Variants in CELF4 observed in about 807,000 individuals in gnomAD.
CELF4 encodes CUGBP Elav-like family member 4.
CELF4 carries 18 observed loss-of-function variants against 59.9 expected under a neutral mutation model. The ratio of observed to expected loss-of-function variants is 0.30; its 90% CI spans 0.21 to 0.45. The LOEUF is 0.45. Ranked by LOEUF, CELF4 falls within the 20% of genes least tolerant of loss-of-function variation. The pLI is 1.00. For synonymous variants in CELF4, 261 were observed against 267.1 expected, an observed-to-expected ratio of 0.98 and a Z score of 0.22; for missense variants, 456 against 689.0, an observed-to-expected ratio of 0.66 and a Z score of 3.79.
At chr18:37,485,458 G>C in intron 2 of CELF4, 67 bp downstream of exon 2, 1 of 1,026,386 alleles carries the variant, frequency 9.7e-7, no homozygotes, top group Non-Finnish European at 1.2e-6. Flanking sequence ...CCGCGCCGCC[G>C]CCCGGCCTCC....
intron 2 of CELF4, among the ~76,000 whole-genome samples, chr18:37,409,602 G>T (rs980564438): frequency 6.6e-6 from 1 of 152,162 alleles, no homozygotes; most frequent in Admixed American, 6.5e-5. Context: ...AGCCAAGTGT[G>T]GGGGGCTGCA....
intron 1 of CELF4, among the ~76,000 whole-genome samples, chr18:37,495,049 C>G (rs1240529213): frequency 6.6e-6 from 1 of 152,206 alleles, no homozygotes; most frequent in Non-Finnish European, 1.5e-5. Flanking sequence ...GGGTGGATTT[C>G]AAATGCATTT....
chr18:37,537,334 C>A (rs1243497354), intron 1 of CELF4, among the ~76,000 whole-genome samples: 1 of 152,034 alleles, frequency 6.6e-6, no homozygotes, highest in Non-Finnish European at 1.5e-5. Flanking sequence ...ACTGAAGGGG[C>A]CCTGTGTACA....
chr18:37,543,219 A>G (rs1209252645), intron 1 of CELF4, among the ~76,000 whole-genome samples: 1 of 152,144 alleles, frequency 6.6e-6, no homozygotes. Context: ...GAGGTGACCC[A>G]TTTCATTCCC....
chr18:37,385,751 C>T (rs187540884), intron 2 of CELF4, among the ~76,000 whole-genome samples: 28 of 152,320 alleles, frequency 1.8e-4, no homozygotes, highest in East Asian at 9.7e-4. Flanking sequence ...GTTTCAAGTG[C>T]GAATCCTGTT....
At chr18:37,347,658 G>T (rs527922180) in intron 2 of CELF4, among the ~76,000 whole-genome samples, 1 of 152,160 alleles carries the variant, frequency 6.6e-6, no homozygotes, top group South Asian at 2.1e-4. Flanking sequence ...CATCAAGCCA[G>T]CCCCAAACCT....
At chr18:37,321,925 G>C in intron 2 of CELF4, 44 bp from the exon 3 acceptor site, 9 of 1,532,902 alleles carry the variant, frequency 5.9e-6, no homozygotes, top group Non-Finnish European at 7.2e-6. Context: ...AGGCCTGCGG[G>C]TGAGGGGACA....
rs148299134 is a variant in CELF4, at chr18:37,408,745, G to A, written c.369+76780C>T. 4.6e-5 allele frequency among the ~76,000 whole-genome samples: 7 copies of A among 152,250 alleles called. No individual in the cohort carries two copies. In the East Asian group the frequency reaches 1.2e-3, roughly 25 times the overall value. ...GTCTGGATTCAGGCTGGGGACACCCGGCGCACCCTCCCCCGAACACGGGCT... is the reference window on the plus strand; with the variant it reads ...GTCTGGATTCAGGCTGGGGACACCCAGCGCACCCTCCCCCGAACACGGGCT... On this transcript the variant is annotated intron_variant, in intron 2 of 12. Coordinates refer to ENST00000420428, the MANE Select transcript of CELF4 (RefSeq NM_020180.4).
chr18:37,257,420 C>T (rs1259755102), intron 11 of CELF4, among the ~76,000 whole-genome samples: 1 of 152,194 alleles, frequency 6.6e-6, no homozygotes, highest in Non-Finnish European at 1.5e-5. Flanking sequence ...GCAACCCTGT[C>T]TTTTGCTTCT....
At chr18:37,548,426 G>A (rs535292378) in intron 1 of CELF4, among the ~76,000 whole-genome samples, 52 of 152,170 alleles carry the variant, frequency 3.4e-4, no homozygotes, top group Non-Finnish European at 6.2e-4. Context: ...CATCTCTATC[G>A]AAGCTTTGTC....
chr18:37,274,022 G>A, intron 6 of CELF4: 1 of 1,255,614 alleles, frequency 8.0e-7, no homozygotes, highest in Non-Finnish European at 1.0e-6. Flanking sequence ...ATCTGGCTGA[G>A]AGGAAAAGGC....
At chr18:37,371,241 A>G (rs2098868182) in intron 2 of CELF4, among the ~76,000 whole-genome samples, 1 of 152,212 alleles carries the variant, frequency 6.6e-6, no homozygotes, top group African/African-American at 2.4e-5. Flanking sequence ...GATTCAGTCA[A>G]TCTAACCAAC....
In CELF4 at chr18:37,385,773, A is replaced by G. The variant is rs944128234; in HGVS notation, c.370-63892T>C. Among the ~76,000 whole-genome samples, 5 of 152,306 alleles carry G rather than the reference A, an allele frequency of 3.3e-5. No individual in the cohort carries two copies. The South Asian group carries it at 1.0e-3, about 32-fold the overall frequency. On this transcript the variant is annotated intron_variant, in intron 2 of 12. Coordinates refer to ENST00000420428, the MANE Select transcript of CELF4 (RefSeq NM_020180.4). ...GTGCGAATCCTGTTTTCCCATCTACATGGGAGCTCTCTGCTCCACAGTACC... is the reference window on the plus strand; with the variant it reads ...GTGCGAATCCTGTTTTCCCATCTACGTGGGAGCTCTCTGCTCCACAGTACC...
chr18:37,483,344 GTC>G (rs1440752192), intron 2 of CELF4, among the ~76,000 whole-genome samples: 1 of 152,198 alleles, frequency 6.6e-6, no homozygotes, highest in Non-Finnish European at 1.5e-5. Context: ...CTGCAATCCG[GTC>G]TTTTATTCCT....
chr18:37,357,265 T>C (rs1478767878), intron 2 of CELF4, among the ~76,000 whole-genome samples: 4 of 152,230 alleles, frequency 2.6e-5, no homozygotes, highest in Admixed American at 2.6e-4. Flanking sequence ...ATGGTTTGGC[T>C]GTGTCCCCAC....
chr18:37,505,064 G>GT (rs1336977303), intron 1 of CELF4, among the ~76,000 whole-genome samples: 3 of 152,250 alleles, frequency 2.0e-5, no homozygotes, highest in Non-Finnish European at 2.9e-5. Context: ...GGCAGGAGAA[G>GT]TGCCTTGGGG....
At position 37,254,564 on chromosome 18, in the gene CELF4, G is replaced by C. The variant is rs982454519; in HGVS notation, c.1334-626C>G. 6.6e-6 allele frequency among the ~76,000 whole-genome samples: 1 copy of C among 152,092 alleles called. No individual in the cohort carries two copies. The highest frequency in any genetic ancestry group is 1.5e-5 in the Non-Finnish European group (1 of 67,984). On this transcript the variant is annotated intron_variant, in intron 11 of 12. Transcript: ENST00000420428. The surrounding 1 kb of genome is among the most constrained non-coding windows in gnomAD (Gnocchi z 5.1). Reference sequence around the variant, plus strand: ...GCCTCTGCCCGCCCCGCCAGGCTCCGGGTGGGCCCTGGGCGTCACCTCGCC... The same window carrying C: ...GCCTCTGCCCGCCCCGCCAGGCTCCCGGTGGGCCCTGGGCGTCACCTCGCC...
intron 2 of CELF4, among the ~76,000 whole-genome samples, chr18:37,419,707 C>T (rs2099559656): frequency 6.6e-6 from 1 of 152,174 alleles, no homozygotes; most frequent in Non-Finnish European, 1.5e-5. Context: ...CAGGGACGCC[C>T]TCCGGTACCC....
chr18:37,424,127 G>A (rs978466887), intron 2 of CELF4, among the ~76,000 whole-genome samples: 1 of 152,152 alleles, frequency 6.6e-6, no homozygotes, highest in Admixed American at 6.5e-5. Context: ...ACTTTTGCAC[G>A]AACCTAATAG....
Sources: allele counts gnomAD v4.1 joint callset (sites outside exome capture counted in the v4.1 genomes callset), GRCh38; gene constraint gnomAD v4.1.1; non-coding constraint Gnocchi (gnomAD v3.1); transcripts MANE v1.5; gene names NCBI Gene and HGNC (gene_info 2026-07-23, HGNC 2026-07-21).